Variants in DIAPH2 observed in about 807,000 individuals in gnomAD.
The protein encoded by DIAPH2 is protein diaphanous homolog 2.
A neutral mutation model predicts 92.7 loss-of-function variants in DIAPH2; 35 were observed. The observed-to-expected ratio is 0.38, with a 90% CI of 0.29 to 0.50. The LOEUF (loss-of-function observed/expected upper bound fraction) is 0.50. Among genes scored for constraint, DIAPH2 ranks in the 20% least tolerant of loss-of-function variants. The pLI is 0.94. For synonymous variants in DIAPH2, 301 were observed against 280.4 expected (o/e 1.07, Z -0.73); for missense variants, 701 against 819.5 (o/e 0.86, Z 1.77).
In DIAPH2 at chrX:96,841,284, TGTGA is replaced by T. The variant is rs758494194; in HGVS notation, c.448-40291_448-40288del. 6.2e-5 allele frequency among the ~76,000 whole-genome samples: 7 copies of T among 112,388 alleles called. No homozygotes were observed. In the South Asian group the frequency reaches 2.6e-3, roughly 42 times the overall value. On this transcript the variant is annotated intron_variant, in intron 4 of 26. Transcript: ENST00000324765. Reference sequence around the variant, plus strand: ...AAATAAAGTAATGCCAAGCCCATCATGTGAGTGTTTCTTGGGAATTGAGAAATTT... The same window carrying T: ...AAATAAAGTAATGCCAAGCCCATCATGTGTTTCTTGGGAATTGAGAAATTT...
chrX:97,388,154 T>A (rs1325304019), intron 25 of DIAPH2, among the ~76,000 whole-genome samples: 1 of 111,354 alleles, frequency 9.0e-6, no homozygotes, highest in Non-Finnish European at 1.9e-5. Context: ...GATCAAGGTG[T>A]CAGCAGGGTC....
intron 23 of DIAPH2, among the ~76,000 whole-genome samples, chrX:97,264,419 A>G (rs2068317258): frequency 9.1e-6 from 1 of 110,462 alleles, no homozygotes; most frequent in Non-Finnish European, 1.9e-5. Context: ...AGAAATACTC[A>G]TGCATAGACA....
intron 23 of DIAPH2, among the ~76,000 whole-genome samples, chrX:97,295,034 C>T (rs1239113646): frequency 9.0e-6 from 1 of 111,299 alleles, no homozygotes; most frequent in Non-Finnish European, 1.9e-5. Flanking sequence ...ATCTTCTAAC[C>T]ATTAACTCCA....
At chrX:96,790,819 G>T (rs187314584) in intron 4 of DIAPH2, among the ~76,000 whole-genome samples, 1 of 111,780 alleles carries the variant, frequency 8.9e-6, no homozygotes, top group African/African-American at 3.2e-5. Flanking sequence ...GTTTCACAGA[G>T]AGGAAAACAG....
chrX:96,690,770 A>C (rs1025630873), intron 1 of DIAPH2, among the ~76,000 whole-genome samples: 1 of 112,021 alleles, frequency 8.9e-6, no homozygotes, highest in Non-Finnish European at 1.9e-5. Flanking sequence ...GAGGCATTAA[A>C]ATTTTTTTAA....
chrX:96,964,392 A>G (rs1664260103), intron 16 of DIAPH2, among the ~76,000 whole-genome samples: 1 of 111,627 alleles, frequency 9.0e-6, no homozygotes, highest in African/African-American at 3.3e-5. Flanking sequence ...TCCTAATTTT[A>G]CAATTTAGTA....
intron 26 of DIAPH2, among the ~76,000 whole-genome samples, chrX:97,484,244 A>T (rs1248779062): frequency 8.9e-6 from 1 of 111,734 alleles, no homozygotes; most frequent in Non-Finnish European, 1.9e-5. Flanking sequence ...GTTAAAGAGC[A>T]ATATTTAATT....
chrX:96,752,519 A>G (rs1385983467), intron 3 of DIAPH2, among the ~76,000 whole-genome samples: 1 of 112,229 alleles, frequency 8.9e-6, no homozygotes, highest in Non-Finnish European at 1.9e-5. Flanking sequence ...CACATAAGGA[A>G]TTAATATGGA....
At chrX:96,685,394 C>T (rs1233482745) in intron 1 of DIAPH2, among the ~76,000 whole-genome samples, 1 of 112,088 alleles carries the variant, frequency 8.9e-6, no homozygotes, top group Non-Finnish European at 1.9e-5. Flanking sequence ...TCTACTTAAC[C>T]CCTTTCTCAC....
At chrX:96,763,717 T>A (rs1160483657) in intron 4 of DIAPH2, among the ~76,000 whole-genome samples, 2 of 111,533 alleles carry the variant, frequency 1.8e-5, no homozygotes, top group African/African-American at 6.5e-5. Context: ...TTTAAAGGTT[T>A]TATATTCAAG....
chrX:96,938,345 T>C (rs2065671494), intron 11 of DIAPH2, among the ~76,000 whole-genome samples: 1 of 111,847 alleles, frequency 8.9e-6, no homozygotes, highest in Non-Finnish European at 1.9e-5. Flanking sequence ...GGTGCCAGTC[T>C]ACTGTGGCTT....
At chrX:96,707,911 T>G in intron 1 of DIAPH2, among the ~76,000 whole-genome samples, 1 of 111,563 alleles carries the variant, frequency 9.0e-6, no homozygotes, top group Non-Finnish European at 1.9e-5. Context: ...TTTTTATATC[T>G]CCAAGAAAAT....
chrX:97,550,064 T>C (rs746670614), intron 26 of DIAPH2, among the ~76,000 whole-genome samples: 1 of 112,748 alleles, frequency 8.9e-6, no homozygotes, highest in Admixed American at 9.3e-5. Context: ...AAAACAGTAT[T>C]ACATAAAATA....
At chrX:96,865,019 A>C (rs1191795773) in intron 4 of DIAPH2, among the ~76,000 whole-genome samples, 3 of 112,278 alleles carry the variant, frequency 2.7e-5, no homozygotes, top group Non-Finnish European at 3.8e-5. Context: ...ACTGAAATCT[A>C]TCCAAAATCT....
chrX:96,978,625 T>G (rs1427263904), intron 17 of DIAPH2, among the ~76,000 whole-genome samples: 2 of 110,681 alleles, frequency 1.8e-5, no homozygotes, highest in African/African-American at 6.5e-5. Context: ...AACTTTTTAT[T>G]TTATTGTTGT....
Position 96,962,340 on chromosome X carries a change from T to TATATATACACATATATATATAC in DIAPH2, c.1936-2746_1936-2745insCACATATATATATACATATATA, listed in dbSNP as rs1569436475. 3.0e-4 allele frequency among the ~76,000 whole-genome samples: 12 copies of TATATATACACATATATATATAC among 39,564 alleles called. 1 individual carries two copies. The highest frequency in any genetic ancestry group is 1.2e-3 in the African/African-American group (12 of 10,144). The allele number at this position is 39,564 out of a possible 115,157, so 34.4% of individuals were successfully genotyped here. ...ATATATATACACATATATATATACA[T>TATATATACACATATATATATAC]ATATATATATACACATATATATATA... On this transcript the variant is annotated intron_variant, in intron 16 of 26. Transcript: ENST00000324765.
intron 20 of DIAPH2, among the ~76,000 whole-genome samples, chrX:97,107,356 C>T (rs894257520): frequency 4.5e-5 from 5 of 111,198 alleles, no homozygotes; most frequent in Non-Finnish European, 9.4e-5. Context: ...GCCCTTTTCT[C>T]TCATGACATC....
At chrX:97,118,508 A>C (rs183018794) in intron 21 of DIAPH2, among the ~76,000 whole-genome samples, 1 of 112,016 alleles carries the variant, frequency 8.9e-6, no homozygotes, top group East Asian at 2.8e-4. Flanking sequence ...GTAAAGGGAT[A>C]TCAGGCAGCT....
chrX:96,948,556 C>T (rs756881586), intron 14 of DIAPH2, among the ~76,000 whole-genome samples: 1 of 111,692 alleles, frequency 9.0e-6, no homozygotes, highest in Admixed American at 9.5e-5. Flanking sequence ...CTGGGTGACA[C>T]GAGTGAAACT....
Sources: gnomAD v4.1 joint callset for allele counts (sites outside exome capture counted in the v4.1 genomes callset) on GRCh38, gnomAD v4.1.1 for gene constraint, MANE v1.5 for transcripts, NCBI Gene and HGNC (gene_info 2026-07-23, HGNC 2026-07-21) for gene names.